Variants in WDHD1 observed in about 807,000 individuals in gnomAD.
The protein encoded by WDHD1 is WD repeat and HMG-box DNA binding protein 1.
In WDHD1, 111 loss-of-function variants were observed where a neutral mutation model predicts 135.4. The ratio of observed to expected loss-of-function variants is 0.82; its 90% CI spans 0.70 to 0.96. WDHD1 has a LOEUF of 0.96. Ranked by LOEUF, WDHD1 falls within the 40% of genes least tolerant of loss-of-function variation. The pLI, the probability that WDHD1 is intolerant of heterozygous loss-of-function variation, is 0.00. For synonymous variants in WDHD1, 434 were observed against 439.0 expected (o/e 0.99, Z 0.14); for missense variants, 1,351 against 1,336.3 (o/e 1.01, Z -0.17).
chr14:54,989,171 C>T lies in WDHD1; in HGVS notation c.1383G>A (p.Glu461=), dbSNP rs113467865. The T allele has an allele frequency of 5.6e-6, 9 of 1,613,410 alleles. No homozygotes were observed. The East Asian group carries it at 1.8e-4, about 32-fold the overall frequency. The part of the protein sequence containing the change: ...SIGIIRCYND[E]QDNAIDVEFH... ...ACTCCACATCTATGGCATTGTCTTGCTCATCATTATAGCAGCGAATAATTC... is the reference window on the plus strand; with the variant it reads ...ACTCCACATCTATGGCATTGTCTTGTTCATCATTATAGCAGCGAATAATTC... The change falls in exon 13 of 26, where the codon GAG becomes GAA. Residue 461 remains glutamate (E), a synonymous_variant. Transcript: ENST00000360586.
At chr14:54,949,987 AAAG>A (rs1382063072) in intron 24 of WDHD1, among the ~76,000 whole-genome samples, 3 of 152,214 alleles carry the variant, frequency 2.0e-5, no homozygotes, top group Non-Finnish European at 4.4e-5. Context: ...AGAGCTCCTG[AAAG>A]AAGCACTAAA....
intron 13 of WDHD1, among the ~76,000 whole-genome samples, chr14:54,987,874 G>A (rs577421116): frequency 1.2e-4 from 18 of 152,234 alleles, no homozygotes; most frequent in Non-Finnish European, 2.6e-4. Flanking sequence ...TCATCTGTCC[G>A]CCTTGGCCTC....
intron 2 of WDHD1, among the ~76,000 whole-genome samples, chr14:55,024,293 CA>C (rs2042396657): frequency 6.6e-6 from 1 of 152,200 alleles, no homozygotes. Context: ...CATCCAAACG[CA>C]AACTCAATCT....
chr14:54,954,150 G>C (rs1325527342), intron 24 of WDHD1, among the ~76,000 whole-genome samples: 1 of 152,154 alleles, frequency 6.6e-6, no homozygotes, highest in East Asian at 1.9e-4. Context: ...GCCAGGCATG[G>C]TGGCGTATGC....
chr14:54,978,818 T>C (rs2041569759), intron 16 of WDHD1, among the ~76,000 whole-genome samples: 1 of 152,196 alleles, frequency 6.6e-6, no homozygotes, highest in Non-Finnish European at 1.5e-5. Flanking sequence ...TTCTGCTTCA[T>C]GATCTGCCAA....
intron 16 of WDHD1, among the ~76,000 whole-genome samples, chr14:54,974,587 G>A (rs987706733): frequency 4.6e-5 from 7 of 151,586 alleles, no homozygotes; most frequent in Non-Finnish European, 8.8e-5. Context: ...AGCACTTTGG[G>A]AGCCAAGGCC....
chr14:55,021,312 C>A (rs577214358), intron 2 of WDHD1, among the ~76,000 whole-genome samples: 1 of 152,294 alleles, frequency 6.6e-6, no homozygotes, highest in South Asian at 2.1e-4. Flanking sequence ...ACTTCTTCTA[C>A]ATCTTCTTCC....
At position 54,984,879 on chromosome 14, in the gene WDHD1, T is replaced by C. The variant is rs1224180045; in HGVS notation, c.1769-19A>G. 1 of 1,606,274 alleles carries C rather than the reference T, an allele frequency of 6.2e-7. No homozygotes were observed. The highest frequency in any genetic ancestry group is 8.5e-7 in the Non-Finnish European group (1 of 1,177,788). ...CCTGTACCTAATGAGAAAATGTAAA[T>C]ATAAATCAGGCATCAAAGGTTATCC... On this transcript the variant is annotated intron_variant, in intron 14 of 25. Coordinates refer to ENST00000360586, the MANE Select transcript of WDHD1 (RefSeq NM_007086.4).
chr14:54,942,480 T>C (rs1467348839), intron 25 of WDHD1, among the ~76,000 whole-genome samples: 2 of 152,252 alleles, frequency 1.3e-5, no homozygotes, highest in East Asian at 3.9e-4. Context: ...AGCGTATGTA[T>C]GTATTTACTT....
At chr14:55,016,600 C>T (rs2042266184) in intron 2 of WDHD1, among the ~76,000 whole-genome samples, 1 of 152,202 alleles carries the variant, frequency 6.6e-6, no homozygotes, top group Non-Finnish European at 1.5e-5. Context: ...CCTAAGAACT[C>T]AGTGCTCTCC....
chr14:55,008,666 A>AAT lies in WDHD1; in HGVS notation c.393_394dup (p.Phe132TyrfsTer10). On this transcript the variant is annotated frameshift_variant, in exon 5 of 26. Transcript: ENST00000360586. LOFTEE classifies it high-confidence loss of function. ...TAAAACAGGGGCATCATGTCCTCGA[A>AAT]ATGTTTTCTGTTGGCTGCTATCCAT... 6.2e-7 allele frequency: 1 copy of AAT among 1,613,528 alleles called. No homozygotes were observed. Among genetic ancestry groups the AAT allele is most frequent in the East Asian group, 2.2e-5 (1 of 44,860 alleles).
In WDHD1 at chr14:55,027,072, T is replaced by A; in HGVS notation, c.-61A>T. 2.5e-6 allele frequency: 1 copy of A among 404,732 alleles called. No homozygotes were observed. The highest frequency in any genetic ancestry group is 4.6e-6 in the Non-Finnish European group (1 of 216,312). The allele number at this position is 404,732 out of a possible 1,614,324, so 25.1% of individuals were successfully genotyped here. A position where few individuals can be genotyped will look rare whatever the true frequency, so the allele number is the denominator to read the frequency against. ...CCACTGAGGATCCACAAGAGCTGCT[T>A]CCCGCGCTTCGGCTCGCTCACCACA... is the stretch of plus-strand genomic sequence containing the variant. On this transcript the variant is annotated 5_prime_UTR_variant, in exon 1 of 26. Transcript: ENST00000360586.
chr14:54,954,777 T>A (rs1014110934), intron 24 of WDHD1, among the ~76,000 whole-genome samples: 1 of 152,232 alleles, frequency 6.6e-6, no homozygotes, highest in African/African-American at 2.4e-5. Context: ...TTGCCCAGGC[T>A]GGAGTGCAGC....
Position 55,013,500 on chromosome 14 carries a change from A to T in WDHD1, c.174T>A (p.Tyr58Ter). Residue 58 changes from tyrosine to a stop codon, truncating the protein, a stop_gained, in exon 3 of 26, where the codon TAT becomes TAA. Transcript: ENST00000360586. LOFTEE classifies it high-confidence loss of function. ...TTTTTACTACCTTCAAAGCACATGA[A>T]TATGCCTTTTCTCCAACATTAATGA... is the stretch of plus-strand genomic sequence containing the variant. Reference protein sequence around the residue: ...PKFINVGEKAYSCALKSGKLV... With the variant: ...PKFINVGEKA 1 of 1,613,112 alleles carries T rather than the reference A, an allele frequency of 6.2e-7. No individual in the cohort carries two copies. The highest frequency in any genetic ancestry group is 8.5e-7 in the Non-Finnish European group (1 of 1,179,140).
intron 10 of WDHD1, among the ~76,000 whole-genome samples, chr14:54,996,039 G>A (rs2041873324): frequency 6.6e-6 from 1 of 152,150 alleles, no homozygotes; most frequent in African/African-American, 2.4e-5. Flanking sequence ...TGGGATGGGA[G>A]TATAGGGACT....
chr14:54,983,093 G>C (rs2041644158), intron 15 of WDHD1, among the ~76,000 whole-genome samples: 1 of 152,166 alleles, frequency 6.6e-6, no homozygotes, highest in Non-Finnish European at 1.5e-5. Flanking sequence ...GAACCCAGAA[G>C]ACAGAGGTTG....
intron 13 of WDHD1, among the ~76,000 whole-genome samples, chr14:54,988,522 G>A (rs2041730296): frequency 6.6e-6 from 1 of 152,068 alleles, no homozygotes; most frequent in Non-Finnish European, 1.5e-5. Flanking sequence ...CTCATCAAAT[G>A]GGTGCATTTT....
intron 24 of WDHD1, among the ~76,000 whole-genome samples, chr14:54,954,176 C>T (rs1478259307): frequency 2.0e-5 from 3 of 151,450 alleles, no homozygotes; most frequent in Non-Finnish European, 2.9e-5. Context: ...ATCCCAGCTA[C>T]TCAGGAGGCT....
chr14:55,005,674 G>A (rs998846620), intron 7 of WDHD1: 6 of 528,558 alleles, frequency 1.1e-5, no homozygotes, highest in African/African-American at 7.7e-5. Flanking sequence ...GCAGGACATA[G>A]AGGTTCTAGA....
Sources: allele counts gnomAD v4.1 joint callset (sites outside exome capture counted in the v4.1 genomes callset), GRCh38; gene constraint gnomAD v4.1.1; transcripts MANE v1.5; gene names NCBI Gene and HGNC (gene_info 2026-07-23, HGNC 2026-07-21).